P2RX3: variants seen among roughly 807,000 people sequenced by gnomAD.
P2RX3 encodes the protein purinergic receptor P2X 3.
In P2RX3, 41 loss-of-function variants were observed where a neutral mutation model predicts 51.5. The observed-to-expected ratio is 0.80, with a 90% CI of 0.62 to 1.03. The LOEUF (loss-of-function observed/expected upper bound fraction) is 1.03, where lower values mean the gene tolerates loss of function less well. Ranked by LOEUF, P2RX3 falls within the 50% of genes least tolerant of loss-of-function variation. The pLI, the probability that P2RX3 is intolerant of heterozygous loss-of-function variation, is 0.00. For missense variants in P2RX3, 459 were observed against 522.1 expected (o/e 0.88, Z 1.18); for synonymous variants, 185 against 191.6 (o/e 0.97, Z 0.29).
At chr11:57,338,286 C>T, upstream of P2RX3, 1 of 287,704 alleles carries the variant, frequency 3.5e-6, no homozygotes, top group African/African-American at 2.1e-5. Context: ...AGACCCCACC[C>T]CTGCTGTGAC....
At chr11:57,337,768 A>T (rs1856262455), upstream of P2RX3, among the ~76,000 whole-genome samples, 1 of 152,250 alleles carries the variant, frequency 6.6e-6, no homozygotes, top group Non-Finnish European at 1.5e-5. Flanking sequence ...CCAACATGGC[A>T]CACGTATACA....
chr11:57,341,152 G>C (rs1856333057), intron 1 of P2RX3, among the ~76,000 whole-genome samples: 1 of 152,194 alleles, frequency 6.6e-6, no homozygotes, highest in Admixed American at 6.5e-5. Context: ...GATGAGATCT[G>C]AGTTGGGAAG....
chr11:57,366,391 A>G (rs572814253), intron 8 of P2RX3, among the ~76,000 whole-genome samples: 5 of 152,136 alleles, frequency 3.3e-5, no homozygotes, highest in Non-Finnish European at 7.4e-5. Context: ...GGTGAGAATG[A>G]AATGGGATCA....
chr11:57,368,045 G>C lies in P2RX3; in HGVS notation c.879G>C (p.Glu293Asp). ...ACTACAAAATGGAAAATGGCAGTGA[G>C]TACCGCACCCTCCTGAAGGCTTTTG... is the stretch of plus-strand genomic sequence containing the variant. ...AKYYKMENGS[E>D]YRTLLKAFGI... The change falls in exon 9 of 12, where the codon GAG becomes GAC. Residue 293 changes from glutamate (E) to aspartate (D), a missense_variant. Glu to Asp is a conservative substitution (Grantham distance 45). Transcript: ENST00000263314. 1.9e-6 allele frequency: 3 copies of C among 1,614,182 alleles called. No homozygotes were observed. In the South Asian group the frequency reaches 3.3e-5, roughly 18 times the overall value.
upstream of P2RX3, among the ~76,000 whole-genome samples, chr11:57,337,341 G>A (rs1238574714): frequency 8.5e-5 from 7 of 82,434 alleles, no homozygotes; most frequent in Admixed American, 3.1e-4. Context: ...AGGAAGGGAA[G>A]GAAAGAAAGA....
rs1436273383 is a variant in P2RX3 at position 57,371,364 on chromosome 11, G to C, written c.*1367G>C. ...GGTATTAGAAGGGGCTCATGCAAGTGAATGAGCCTAAAGAATGTTTCAATA... is the reference window on the plus strand; with the variant it reads ...GGTATTAGAAGGGGCTCATGCAAGTCAATGAGCCTAAAGAATGTTTCAATA... On this transcript the variant is annotated 3_prime_UTR_variant, in exon 12 of 12. Transcript: ENST00000263314. Among the ~76,000 whole-genome samples the C allele has an allele frequency of 6.6e-6, 1 of 152,244 alleles. No homozygotes were observed. Among genetic ancestry groups the C allele is most frequent in the Non-Finnish European group, 1.5e-5 (1 of 68,042 alleles).
At chr11:57,364,760 C>G (rs965228200) in intron 8 of P2RX3, among the ~76,000 whole-genome samples, 1 of 152,190 alleles carries the variant, frequency 6.6e-6, no homozygotes, top group Non-Finnish European at 1.5e-5. Flanking sequence ...CTTCCTCCAC[C>G]ACCTAGACTT....
At chr11:57,365,575 C>T (rs747802627) in intron 8 of P2RX3, among the ~76,000 whole-genome samples, 5 of 152,218 alleles carry the variant, frequency 3.3e-5, no homozygotes, top group Non-Finnish European at 7.3e-5. Flanking sequence ...CAGACAGAAT[C>T]TCTAACACAA....
At chr11:57,363,901 A>G (rs1856758341) in intron 8 of P2RX3, among the ~76,000 whole-genome samples, 1 of 152,178 alleles carries the variant, frequency 6.6e-6, no homozygotes, top group Non-Finnish European at 1.5e-5. Flanking sequence ...TTGGTGAGAT[A>G]ATGATCTTAC....
At chr11:57,341,685 T>C (rs190581343) in intron 1 of P2RX3, among the ~76,000 whole-genome samples, 3 of 152,200 alleles carry the variant, frequency 2.0e-5, no homozygotes, top group Non-Finnish European at 4.4e-5. Context: ...CTGGAAGCAA[T>C]AGCCTGTGCT....
At chr11:57,359,565 G>A (rs1165946194) in intron 8 of P2RX3, among the ~76,000 whole-genome samples, 2 of 152,244 alleles carry the variant, frequency 1.3e-5, no homozygotes, top group Admixed American at 6.5e-5. Context: ...AGCGCTGGCA[G>A]CTGTTCGGGC....
intron 8 of P2RX3, among the ~76,000 whole-genome samples, chr11:57,361,617 A>G (rs946747343): frequency 2.0e-5 from 3 of 152,204 alleles, no homozygotes; most frequent in Non-Finnish European, 2.9e-5. Flanking sequence ...TGCAAAGATC[A>G]TGATCTCATT....
Position 57,350,875 on chromosome 11 carries a change from C to A in P2RX3, c.819C>A (p.Ser273Arg). 6.2e-7 allele frequency: 1 copy of A among 1,614,114 alleles called. No individual in the cohort carries two copies. The highest frequency in any genetic ancestry group is 8.5e-7 in the Non-Finnish European group (1 of 1,180,012). The change falls in exon 8 of 12, where the codon AGC becomes AGA. Residue 273 changes from serine (S) to arginine (R), a missense_variant. By Grantham distance (110) the Ser-to-Arg change is moderately radical (BLOSUM62 -1). Transcript: ENST00000263314. ...TCGACAGCGTTTCTGAGAAAAGCAG[C>A]GTGTCCCCAGGCTACAACTTCAGGT... ...TRLDSVSEKS[S>R]VSPGYNFRFA...
intron 1 of P2RX3, among the ~76,000 whole-genome samples, chr11:57,341,535 C>G (rs941425532): frequency 6.6e-6 from 1 of 152,146 alleles, no homozygotes; most frequent in Non-Finnish European, 1.5e-5. Flanking sequence ...CTGGACTTAC[C>G]TGATGTTTCT....
intron 1 of P2RX3, 148 bp from the exon 2 acceptor site, chr11:57,346,396 C>A (rs762369056): frequency 7.6e-5 from 65 of 858,712 alleles, no homozygotes; most frequent in Non-Finnish European, 1.0e-4. Flanking sequence ...ACCAAGGGCT[C>A]ACTCTAGGTC....
At chr11:57,355,931 G>T (rs1856623252) in intron 8 of P2RX3, among the ~76,000 whole-genome samples, 5 of 152,222 alleles carry the variant, frequency 3.3e-5, no homozygotes, top group Non-Finnish European at 7.3e-5. Context: ...TTGGGAGGCT[G>T]AGGCGGGAGG....
chr11:57,358,630 AGAT>A (rs1856666819), intron 8 of P2RX3, among the ~76,000 whole-genome samples: 1 of 152,092 alleles, frequency 6.6e-6, no homozygotes, highest in Admixed American at 6.5e-5. Context: ...GGCTGGTTAA[AGAT>A]GATGATCTTT....
chr11:57,371,409 T>C lies in P2RX3; in HGVS notation c.*1412T>C, dbSNP rs139746580. 5.3e-5 allele frequency among the ~76,000 whole-genome samples: 8 copies of C among 152,346 alleles called. No individual in the cohort carries two copies. The highest frequency in any genetic ancestry group is 1.9e-4 in the African/African-American group (8 of 41,582). On this transcript the variant is annotated 3_prime_UTR_variant, in exon 12 of 12. Transcript: ENST00000263314. ...TCAATAGCTTCATGATAAATCTGCA[T>C]CTGGCAGTCAGAGTGGGCATGATCA...
At chr11:57,336,966 A>T (rs973621838), upstream of P2RX3, among the ~76,000 whole-genome samples, 4 of 152,130 alleles carry the variant, frequency 2.6e-5, no homozygotes, top group Non-Finnish European at 5.9e-5. Flanking sequence ...ACTTTAGCAC[A>T]CTTCTCAGAT....
Sources: gnomAD v4.1 joint callset for allele counts (sites outside exome capture counted in the v4.1 genomes callset) on GRCh38, gnomAD v4.1.1 for gene constraint, MANE v1.5 for transcripts, NCBI Gene and HGNC (gene_info 2026-07-23, HGNC 2026-07-21) for gene names.